The following PPFIA2 variants were observed in gnomAD, a reference collection of about 807,000 sequenced individuals.
PPFIA2 encodes the protein PPFI scaffold protein A2.
A neutral mutation model predicts 175.5 loss-of-function variants in PPFIA2; 46 were observed. The observed-to-expected ratio is 0.26, with a 90% confidence interval of 0.21 to 0.34. The LOEUF is 0.34. PPFIA2 is among the 10% of genes least tolerant of loss of function. PPFIA2 has a pLI of 1.00. For synonymous variants in PPFIA2, 568 were observed against 511.4 expected (o/e 1.11, Z -1.49); for missense variants, 1,179 against 1,506.1 (o/e 0.78, Z 3.60).
At chr12:81,388,689 CA>C (rs974171713) in intron 8 of PPFIA2, among the ~76,000 whole-genome samples, 9 of 151,968 alleles carry the variant, frequency 5.9e-5, no homozygotes, top group African/African-American at 2.2e-4. Context: ...CCTTGAAAAA[CA>C]AATTTTTATT....
intron 23 of PPFIA2, among the ~76,000 whole-genome samples, chr12:81,299,046 C>T (rs943244864): frequency 1.3e-5 from 2 of 152,146 alleles, no homozygotes; most frequent in African/African-American, 4.8e-5. Context: ...TTTGTTTCTT[C>T]TCTTGCTCTA....
chr12:81,397,744 G>A (rs11114845), intron 8 of PPFIA2, among the ~76,000 whole-genome samples: 24,313 of 151,968 alleles, frequency 0.16, 2,699 homozygotes, highest in East Asian at 0.42. Flanking sequence ...TTTGGGACCA[G>A]ACTTCTCAGT....
intron 21 of PPFIA2, among the ~76,000 whole-genome samples, chr12:81,330,564 A>C (rs1213715776): frequency 6.6e-6 from 1 of 152,134 alleles, no homozygotes; most frequent in Non-Finnish European, 1.5e-5. Flanking sequence ...CCCATTTCCC[A>C]GTCCTTAAAT....
At position 81,281,297 on chromosome 12, in the gene PPFIA2, C is replaced by CT; in HGVS notation, c.3171dup (p.Asp1058ArgfsTer11). 2 of 1,610,470 alleles carry CT rather than the reference C, an allele frequency of 1.2e-6. No individual in the cohort carries two copies. The highest frequency in any genetic ancestry group is 1.7e-5 in the Admixed American group (1 of 59,736). On this transcript the variant is annotated frameshift_variant, in exon 27 of 33. Transcript: ENST00000549396. LOFTEE classifies it high-confidence loss of function. ...ACCATTTTTAAATGGACACGGAGAT[C>CT]TTTTTTTGTTAGGTGATCTAACATT... is the stretch of plus-strand genomic sequence containing the variant.
intron 4 of PPFIA2, among the ~76,000 whole-genome samples, chr12:81,479,452 T>C (rs1478025137): frequency 6.6e-6 from 1 of 152,212 alleles, no homozygotes; most frequent in Non-Finnish European, 1.5e-5. Context: ...CACGTGTGAA[T>C]TTAATCTTGT....
intron 3 of PPFIA2, among the ~76,000 whole-genome samples, chr12:81,751,570 CAGAG>C (rs1281634137): frequency 3.4e-5 from 5 of 146,054 alleles, no homozygotes; most frequent in African/African-American, 5.0e-5. Flanking sequence ...CACACATATA[CAGAG>C]AGAGAGAGAG....
At chr12:81,642,230 C>G (rs183268825) in intron 4 of PPFIA2, among the ~76,000 whole-genome samples, 17 of 151,884 alleles carry the variant, frequency 1.1e-4, no homozygotes, top group African/African-American at 3.9e-4. Flanking sequence ...CACACAAAAG[C>G]TTACATATCT....
chr12:81,458,181 T>G (rs991631627), intron 4 of PPFIA2, among the ~76,000 whole-genome samples: 1 of 152,142 alleles, frequency 6.6e-6, no homozygotes, highest in African/African-American at 2.4e-5. Context: ...TTTGGCTAAT[T>G]TTATGAACAG....
chr12:81,670,311 C>A (rs529647639), intron 4 of PPFIA2, among the ~76,000 whole-genome samples: 86 of 151,908 alleles, frequency 5.7e-4, no homozygotes, highest in Admixed American at 1.8e-3. Context: ...CCATCAAGGG[C>A]CTGAATGTAG....
intron 24 of PPFIA2, among the ~76,000 whole-genome samples, chr12:81,290,925 C>G (rs781054463): frequency 5.4e-4 from 82 of 151,716 alleles, no homozygotes; most frequent in Non-Finnish European, 1.1e-3. Context: ...GATTAAATAA[C>G]TTATCACATT....
In PPFIA2 at chr12:81,259,324, A is replaced by G. The variant is rs1403847398; in HGVS notation, c.*370T>C. 6 of 478,530 alleles carry G rather than the reference A, an allele frequency of 1.3e-5. No individual in the cohort carries two copies. Among genetic ancestry groups the G allele is most frequent in the Non-Finnish European group, 2.3e-5 (6 of 258,978 alleles). The allele number at this position is 478,530 out of a possible 1,614,324, so 29.6% of individuals were successfully genotyped here. A position where few individuals can be genotyped will look rare whatever the true frequency, so the allele number is the denominator to read the frequency against. ...TCATATTTATATCCATTTACATAAG[A>G]CTTACACATTTAAAAAGAAATGCAC... On this transcript the variant is annotated 3_prime_UTR_variant, in exon 33 of 33. Transcript: ENST00000549396.
intron 3 of PPFIA2, among the ~76,000 whole-genome samples, chr12:81,697,780 A>G (rs2076056973): frequency 6.6e-6 from 1 of 152,132 alleles, no homozygotes; most frequent in Admixed American, 6.6e-5. Context: ...CACCTGGATC[A>G]ATCAGTGTCT....
rs753396604 is a variant in PPFIA2 at position 81,348,126 on chromosome 12, A to C, written c.1995-356T>G. 1.6e-4 allele frequency among the ~76,000 whole-genome samples: 24 copies of C among 152,144 alleles called. 1 individual carries two copies. The highest frequency in any genetic ancestry group is 3.2e-4 in the Non-Finnish European group (22 of 68,018). ...TTACATTTGACCTCAGGAACCACTA[A>C]AAGAGACTTTAGAAACTCAGCCTTG... On this transcript the variant is annotated intron_variant, in intron 17 of 32. Coordinates refer to ENST00000549396, the MANE Select transcript of PPFIA2 (RefSeq NM_003625.5).
chr12:81,560,331 C>T (rs2069785893), intron 4 of PPFIA2, among the ~76,000 whole-genome samples: 1 of 151,658 alleles, frequency 6.6e-6, no homozygotes. Context: ...AGAGAAAGAA[C>T]AAATCCTAAT....
At chr12:81,571,007 A>G (rs1212736875) in intron 4 of PPFIA2, among the ~76,000 whole-genome samples, 1 of 151,996 alleles carries the variant, frequency 6.6e-6, no homozygotes, top group East Asian at 1.9e-4. Context: ...ATCATCTAGA[A>G]TATTTATTCT....
At chr12:81,345,202 C>T (rs1276546621) in intron 18 of PPFIA2, among the ~76,000 whole-genome samples, 3 of 151,956 alleles carry the variant, frequency 2.0e-5, no homozygotes, top group Non-Finnish European at 4.4e-5. Flanking sequence ...CTTTCTCTTT[C>T]CCACAAATGC....
chr12:81,311,526 G>A (rs190610582), intron 22 of PPFIA2, among the ~76,000 whole-genome samples: 2 of 151,994 alleles, frequency 1.3e-5, no homozygotes, highest in Admixed American at 1.3e-4. Context: ...GAGGTCAGGA[G>A]ATCGAGACCA....
chr12:81,533,721 ATC>A (rs1488331063), intron 4 of PPFIA2, among the ~76,000 whole-genome samples: 1 of 136,448 alleles, frequency 7.3e-6, no homozygotes, highest in African/African-American at 2.8e-5. Flanking sequence ...CTATCTATCT[ATC>A]TATCTATCTA....
intron 4 of PPFIA2, among the ~76,000 whole-genome samples, chr12:81,629,215 A>T (rs2178684): frequency 0.52 from 78,431 of 151,862 alleles, 21,259 homozygotes; most frequent in Middle Eastern, 0.61. Context: ...ATCAATTACT[A>T]TAAAAAATTT....
Sources: allele counts gnomAD v4.1 joint callset (sites outside exome capture counted in the v4.1 genomes callset), GRCh38; gene constraint gnomAD v4.1.1; transcripts MANE v1.5; gene names NCBI Gene and HGNC (gene_info 2026-07-23, HGNC 2026-07-21).